CNTN6: variants seen among roughly 807,000 people sequenced by gnomAD.
The protein encoded by CNTN6 is contactin-6.
CNTN6 carries 137 observed loss-of-function variants against 122.8 expected under a neutral mutation model. The observed-to-expected ratio is 1.12, with a 90% CI of 0.97 to 1.29. The LOEUF is 1.29. Among genes scored for constraint, CNTN6 ranks in the 50% most tolerant of loss-of-function variants. The pLI is 0.00. For synonymous variants in CNTN6, 570 were observed against 426.0 expected, an observed-to-expected ratio of 1.34 and a Z score of -4.16; for missense variants, 1,634 against 1,223.4, an observed-to-expected ratio of 1.34 and a Z score of -5.01.
chr3:1,099,856 A>G (rs1281536418), intron 1 of CNTN6, among the ~76,000 whole-genome samples: 1 of 152,184 alleles, frequency 6.6e-6, no homozygotes, highest in African/African-American at 2.4e-5. Flanking sequence ...CATTTTTTCA[A>G]CTTTTATTAG....
chr3:1,303,569 T>G (rs1254043937), intron 7 of CNTN6, among the ~76,000 whole-genome samples: 1 of 152,208 alleles, frequency 6.6e-6, no homozygotes, highest in Non-Finnish European at 1.5e-5. Flanking sequence ...TTATTTCAGC[T>G]GTAATTCTCT....
At chr3:1,155,247 T>G (rs1418866488) in intron 2 of CNTN6, among the ~76,000 whole-genome samples, 1 of 152,190 alleles carries the variant, frequency 6.6e-6, no homozygotes, top group Non-Finnish European at 1.5e-5. Context: ...TAAAATATTG[T>G]GAGTCGTATA....
intron 4 of CNTN6, among the ~76,000 whole-genome samples, chr3:1,252,254 C>T (rs1274154366): frequency 6.6e-6 from 1 of 152,138 alleles, no homozygotes; most frequent in Admixed American, 6.6e-5. Flanking sequence ...GTGGGAAGAA[C>T]AGCCTTTTCA....
rs1709936586 is a variant in CNTN6 at position 1,376,836 on chromosome 3, CTT to C, written c.2096-168_2096-167del. The stretch of plus-strand genomic sequence containing the variant: ...TATCAAACACAACTGTGTCCTCTCT[CTT>C]AGAAATTTGGATATGTGTAAACATA... On this transcript the variant is annotated intron_variant, in intron 16 of 22. Coordinates refer to ENST00000446702, the MANE Select transcript of CNTN6 (RefSeq NM_001289080.2). Among the ~76,000 whole-genome samples, 4 of 152,222 alleles carry C rather than the reference CTT, an allele frequency of 2.6e-5. No individual in the cohort carries two copies. In the South Asian group the frequency reaches 8.3e-4, roughly 32 times the overall value.
rs58013186 is a variant in CNTN6 at position 1,312,319 on chromosome 3, A to AATATATATATAT, written c.762-9330_762-9319dup. ...AGGTTCTTAAAAATCATCCAAGAAGAATATATATATATGTATATGTATATT... is the reference window on the plus strand; with the variant it reads ...AGGTTCTTAAAAATCATCCAAGAAGAATATATATATATATATATATATATGTATATGTATATT... On this transcript the variant is annotated intron_variant, in intron 7 of 22. Coordinates refer to ENST00000446702, the MANE Select transcript of CNTN6 (RefSeq NM_001289080.2). Among the ~76,000 whole-genome samples, 32 of 151,396 alleles carry AATATATATATAT rather than the reference A, an allele frequency of 2.1e-4. No individual in the cohort carries two copies. The South Asian group carries it at 4.8e-3, about 23-fold the overall frequency.
intron 4 of CNTN6, among the ~76,000 whole-genome samples, chr3:1,254,161 C>A (rs143071291): frequency 6.6e-6 from 1 of 152,118 alleles, no homozygotes; most frequent in African/African-American, 2.4e-5. Context: ...ATAAAATATA[C>A]CAATACTGCC....
At chr3:1,284,271 C>A (rs4684862) in intron 5 of CNTN6, among the ~76,000 whole-genome samples, 124,211 of 152,150 alleles carry the variant, frequency 0.82, 50,840 homozygotes, top group African/African-American at 0.86. Flanking sequence ...CAAAGGCTCA[C>A]AATTGTGTTA....
intron 2 of CNTN6, among the ~76,000 whole-genome samples, chr3:1,193,996 T>A (rs1050987662): frequency 6.6e-6 from 1 of 152,194 alleles, no homozygotes; most frequent in Admixed American, 6.5e-5. Context: ...AAGCATGTGT[T>A]ATCCTTATGC....
chr3:1,329,031 T>C (rs1701909053), intron 10 of CNTN6, among the ~76,000 whole-genome samples: 1 of 151,384 alleles, frequency 6.6e-6, no homozygotes, highest in Non-Finnish European at 1.5e-5. Context: ...CACAATACAA[T>C]ACCACTGAAA....
At chr3:1,368,430 G>A (rs1217848086) in intron 12 of CNTN6, among the ~76,000 whole-genome samples, 1 of 152,148 alleles carries the variant, frequency 6.6e-6, no homozygotes, top group Non-Finnish European at 1.5e-5. Context: ...TTATATTTCA[G>A]TGTATAATTC....
chr3:1,287,918 C>G (rs953808026), intron 5 of CNTN6, among the ~76,000 whole-genome samples: 2 of 152,194 alleles, frequency 1.3e-5, no homozygotes, highest in African/African-American at 4.8e-5. Flanking sequence ...CAAGGAATAA[C>G]CACGAAAATA....
At chr3:1,339,365 C>T (rs144324495) in intron 11 of CNTN6, among the ~76,000 whole-genome samples, 2 of 152,148 alleles carry the variant, frequency 1.3e-5, no homozygotes, top group African/African-American at 2.4e-5. Flanking sequence ...ACTTGCCAAA[C>T]GATTCATTTA....
At chr3:1,206,419 G>A (rs2093958683) in intron 2 of CNTN6, among the ~76,000 whole-genome samples, 1 of 152,026 alleles carries the variant, frequency 6.6e-6, no homozygotes, top group Non-Finnish European at 1.5e-5. Context: ...TCTTTCTAAG[G>A]CCAACCACTG....
At chr3:1,215,597 G>T (rs909812685) in intron 2 of CNTN6, among the ~76,000 whole-genome samples, 3 of 151,922 alleles carry the variant, frequency 2.0e-5, no homozygotes, top group Admixed American at 2.0e-4. Context: ...TTATTCTATA[G>T]CATAAAACTG....
chr3:1,342,079 A>G (rs374059163), intron 11 of CNTN6, among the ~76,000 whole-genome samples: 116 of 151,718 alleles, frequency 7.6e-4, no homozygotes, highest in African/African-American at 2.5e-3. Context: ...ATTTTGTTGA[A>G]GAGTTGCCAA....
At chr3:1,268,313 A>C (rs1348309131) in intron 4 of CNTN6, among the ~76,000 whole-genome samples, 1 of 152,208 alleles carries the variant, frequency 6.6e-6, no homozygotes, top group African/African-American at 2.4e-5. Flanking sequence ...TCTCTGGCAT[A>C]AAATAGAGAG....
chr3:1,355,011 C>A (rs1438860411), intron 12 of CNTN6, among the ~76,000 whole-genome samples: 2 of 151,458 alleles, frequency 1.3e-5, no homozygotes, highest in Admixed American at 6.6e-5. Flanking sequence ...GAGAATAACT[C>A]ACATATACAA....
chr3:1,117,408 G>T (rs549604086), intron 1 of CNTN6, among the ~76,000 whole-genome samples: 39 of 152,234 alleles, frequency 2.6e-4, no homozygotes, highest in African/African-American at 9.4e-4. Flanking sequence ...TTAGGAGGCA[G>T]AAAAGCAATG....
chr3:1,352,290 C>A (rs1254557191), intron 11 of CNTN6, 34 bp from the exon 12 acceptor site: 2 of 1,468,022 alleles, frequency 1.4e-6, no homozygotes, highest in Non-Finnish European at 9.1e-7. Context: ...TGTTGAAGAG[C>A]CTTACTTCTA....
Sources: gnomAD v4.1 joint callset for allele counts (sites outside exome capture counted in the v4.1 genomes callset) on GRCh38, gnomAD v4.1.1 for gene constraint, MANE v1.5 for transcripts, NCBI Gene and HGNC (gene_info 2026-07-23, HGNC 2026-07-21) for gene names.